MAMDC2: variants seen among roughly 807,000 people sequenced by gnomAD.
The protein encoded by MAMDC2 is MAM domain-containing protein 2.
MAMDC2 carries 57 observed loss-of-function variants against 89.8 expected under a neutral mutation model. The ratio of observed to expected loss-of-function variants is 0.63; its 90% CI spans 0.51 to 0.79. The LOEUF is 0.79. Among genes scored for constraint, MAMDC2 ranks in the 30% least tolerant of loss-of-function variants. The pLI is 0.00. For missense variants in MAMDC2, 800 were observed against 820.6 expected (o/e 0.97, Z 0.31); for synonymous variants, 313 against 293.4 (o/e 1.07, Z -0.68).
At chr9:70,044,505 GT>G (rs1444522223) in intron 1 of MAMDC2, 78 bp from the exon 2 acceptor site, 1 of 1,146,008 alleles carries the variant, frequency 8.7e-7, no homozygotes, top group Admixed American at 2.0e-5. Context: ...CTTTCACCAG[GT>G]AGTCCCCCTG....
chr9:70,170,466 T>C lies in MAMDC2; in HGVS notation c.1499-13T>C, dbSNP rs1343514680. On this transcript the variant is annotated splice_polypyrimidine_tract_variant and intron_variant, in intron 10 of 13. Transcript: ENST00000377182. The stretch of plus-strand genomic sequence containing the variant: ...GAGTCTCAGTGATTGCAACATCTGC[T>C]ATTTTCTTGCAGAGAAACTTCCACC... 1.3e-6 allele frequency: 2 copies of C among 1,598,570 alleles called. No homozygotes were observed. The highest frequency in any genetic ancestry group is 2.7e-5 in the African/African-American group (2 of 74,214).
At chr9:70,196,268 A>AT (rs1157018868) in intron 11 of MAMDC2, among the ~76,000 whole-genome samples, 11 of 152,094 alleles carry the variant, frequency 7.2e-5, no homozygotes, top group African/African-American at 2.7e-4. Flanking sequence ...CAGCCACACC[A>AT]TATCACCTTC....
intron 4 of MAMDC2, 52 bp downstream of exon 4, chr9:70,109,856 T>G (rs1828459293): frequency 6.8e-7 from 1 of 1,475,610 alleles, no homozygotes; most frequent in Admixed American, 1.7e-5. Context: ...TTTCTAAAAG[T>G]TACTGTTGCC....
chr9:70,146,061 C>T (rs2031395169), intron 9 of MAMDC2, among the ~76,000 whole-genome samples: 1 of 152,182 alleles, frequency 6.6e-6, no homozygotes. Flanking sequence ...CTGCTCATCA[C>T]TCCACTCACC....
Position 70,217,709 on chromosome 9 carries a change from T to TA in MAMDC2, c.1652-621dup, listed in dbSNP as rs543127219. The stretch of plus-strand genomic sequence containing the variant: ...TTTTAAATAAAGATTGGATTATATT[T>TA]AAAAAAATTACAGAGTATGTTTTCA... On this transcript the variant is annotated intron_variant, in intron 11 of 13. Coordinates refer to ENST00000377182, the MANE Select transcript of MAMDC2 (RefSeq NM_153267.5). 3.6e-3 allele frequency: 4,993 copies of TA among 1,370,762 alleles called. 14 individuals carry two copies. The highest frequency in any genetic ancestry group is 4.1e-3 in the Non-Finnish European group (3,973 of 973,466). The allele number at this position is 1,370,762 out of a possible 1,614,324, so 84.9% of individuals were successfully genotyped here. A position where few individuals can be genotyped will look rare whatever the true frequency, so the allele number is the denominator to read the frequency against.
chr9:70,044,567 T>A lies in MAMDC2; in HGVS notation c.35-17T>A. The A allele has an allele frequency of 6.5e-7, 1 of 1,546,010 alleles. No individual in the cohort carries two copies. Among genetic ancestry groups the A allele is most frequent in the South Asian group, 1.2e-5 (1 of 83,922 alleles). ...TCCTGGGTGGAGCTCGAACTGAAAC[T>A]CGCTTTGTGCCCGCAGCCCTGCAGC... On this transcript the variant is annotated splice_polypyrimidine_tract_variant and intron_variant, in intron 1 of 13. Transcript: ENST00000377182.
intron 9 of MAMDC2, among the ~76,000 whole-genome samples, chr9:70,154,442 T>C (rs1476279655): frequency 6.6e-6 from 1 of 152,170 alleles, no homozygotes; most frequent in African/African-American, 2.4e-5. Flanking sequence ...CTACAAGGAA[T>C]TTTAGTGTGA....
chr9:70,115,507 C>A (rs1337325464), intron 5 of MAMDC2, among the ~76,000 whole-genome samples: 2 of 152,164 alleles, frequency 1.3e-5, no homozygotes, highest in African/African-American at 4.8e-5. Context: ...AGACACCCAC[C>A]ACTTTGTCCA....
intron 2 of MAMDC2, among the ~76,000 whole-genome samples, chr9:70,070,527 T>A (rs11141507): frequency 0.52 from 79,387 of 152,046 alleles, 24,005 homozygotes; most frequent in Non-Finnish European, 0.67. Context: ...TTGAGCAACA[T>A]CCAGAGATTT....
chr9:70,119,279 T>C (rs560877954), intron 5 of MAMDC2, among the ~76,000 whole-genome samples: 55 of 152,276 alleles, frequency 3.6e-4, no homozygotes, highest in African/African-American at 1.3e-3. Flanking sequence ...GGTGCTATTA[T>C]GGAAGAAGCT....
intron 2 of MAMDC2, among the ~76,000 whole-genome samples, chr9:70,096,077 G>T (rs1203355996): frequency 6.6e-6 from 1 of 151,418 alleles, no homozygotes; most frequent in Non-Finnish European, 1.5e-5. Context: ...GGGCTGGACT[G>T]CACTGGTGCA....
intron 11 of MAMDC2, chr9:70,217,302 C>T (rs2033467019): frequency 5.9e-6 from 8 of 1,353,800 alleles, no homozygotes; most frequent in Non-Finnish European, 5.3e-6. Context: ...ATGCGAAATG[C>T]GAGTCGGCAT....
chr9:70,176,697 T>C (rs1317824129), intron 11 of MAMDC2, among the ~76,000 whole-genome samples: 1 of 152,224 alleles, frequency 6.6e-6, no homozygotes, highest in Non-Finnish European at 1.5e-5. Context: ...TTACCACTTA[T>C]ATCTTTTTAT....
intron 11 of MAMDC2, among the ~76,000 whole-genome samples, chr9:70,181,747 G>A (rs2032650367): frequency 6.6e-6 from 1 of 152,158 alleles, no homozygotes; most frequent in Admixed American, 6.5e-5. Flanking sequence ...AGCTTAAGGA[G>A]TTTTTGGGCT....
intron 9 of MAMDC2, among the ~76,000 whole-genome samples, chr9:70,146,353 G>T (rs904359057): frequency 3.3e-5 from 5 of 152,168 alleles, no homozygotes; most frequent in African/African-American, 1.2e-4. Flanking sequence ...TTCAGCCCCA[G>T]TGCAGATGAG....
At chr9:70,125,826 G>T (rs2030510374) in intron 5 of MAMDC2, among the ~76,000 whole-genome samples, 1 of 152,106 alleles carries the variant, frequency 6.6e-6, no homozygotes, top group South Asian at 2.1e-4. Flanking sequence ...TTCTCTCCAT[G>T]GGTGTGTTCA....
At chr9:70,094,249 C>A (rs1288009891) in intron 2 of MAMDC2, among the ~76,000 whole-genome samples, 2 of 152,228 alleles carry the variant, frequency 1.3e-5, no homozygotes, top group Non-Finnish European at 2.9e-5. Context: ...GACGGCTAAG[C>A]AATGCTGACC....
intron 11 of MAMDC2, among the ~76,000 whole-genome samples, chr9:70,197,221 G>A (rs999202990): frequency 6.6e-6 from 1 of 152,076 alleles, no homozygotes; most frequent in Non-Finnish European, 1.5e-5. Flanking sequence ...TATTACAGAT[G>A]CAATAACATT....
intron 9 of MAMDC2, among the ~76,000 whole-genome samples, chr9:70,146,543 T>C (rs1194398231): frequency 1.3e-5 from 2 of 152,088 alleles, no homozygotes; most frequent in Non-Finnish European, 2.9e-5. Flanking sequence ...TTATATAACA[T>C]ATACAGGTAG....
Sources: gnomAD v4.1 joint callset for allele counts (sites outside exome capture counted in the v4.1 genomes callset) on GRCh38, gnomAD v4.1.1 for gene constraint, MANE v1.5 for transcripts, NCBI Gene and HGNC (gene_info 2026-07-23, HGNC 2026-07-21) for gene names.